Variants in GREB1L observed in about 807,000 individuals in gnomAD.
The protein encoded by GREB1L is GREB1-like protein.
GREB1L carries 17 observed loss-of-function variants against 200.8 expected under a neutral mutation model. The observed-to-expected ratio is 0.08, with a 90% CI of 0.06 to 0.13. The LOEUF (loss-of-function observed/expected upper bound fraction) is 0.13, where lower values mean the gene tolerates loss of function less well. Ranked by LOEUF, GREB1L falls within the 10% of genes least tolerant of loss-of-function variation. The pLI, the probability that GREB1L is intolerant of heterozygous loss-of-function variation, is 1.00. For synonymous variants in GREB1L, 789 were observed against 893.0 expected (o/e 0.88, Z 2.08); for missense variants, 1,657 against 2,367.7 (o/e 0.70, Z 6.23).
chr18:21,389,389 A>C (rs1325391089), intron 4 of GREB1L, among the ~76,000 whole-genome samples: 2 of 113,342 alleles, frequency 1.8e-5, no homozygotes, highest in Admixed American at 1.9e-4. Flanking sequence ...GGGCACAGGA[A>C]CCTCTTGACT....
At chr18:21,267,206 T>C (rs1205342671) in intron 1 of GREB1L, among the ~76,000 whole-genome samples, 1 of 147,166 alleles carries the variant, frequency 6.8e-6, no homozygotes, top group Non-Finnish European at 1.5e-5. Flanking sequence ...TTTTTTTTTT[T>C]TTTTGAGACG....
chr18:21,471,909 C>T (rs950775914), intron 15 of GREB1L, among the ~76,000 whole-genome samples: 6 of 152,308 alleles, frequency 3.9e-5, no homozygotes, highest in African/African-American at 1.4e-4. Flanking sequence ...GCATGAGCCA[C>T]CACACCCAGC....
chr18:21,513,565 A>C (rs148182147), intron 27 of GREB1L, among the ~76,000 whole-genome samples: 2 of 152,360 alleles, frequency 1.3e-5, no homozygotes, highest in African/African-American at 4.8e-5. Flanking sequence ...CCTCAAAGAT[A>C]TCTCTGGTTT....
At chr18:21,267,055 T>G (rs996810721) in intron 1 of GREB1L, among the ~76,000 whole-genome samples, 6 of 152,134 alleles carry the variant, frequency 3.9e-5, no homozygotes, top group Non-Finnish European at 5.9e-5. Flanking sequence ...TACCTCAGTC[T>G]GCTGACTAGC....
intron 16 of GREB1L, among the ~76,000 whole-genome samples, 161 bp from the exon 17 acceptor site, chr18:21,477,003 A>T (rs1384934583): frequency 1.3e-5 from 2 of 152,060 alleles, no homozygotes; most frequent in Non-Finnish European, 2.9e-5. Context: ...AGGAATGTAA[A>T]TTTTTTTTCC....
chr18:21,329,969 T>TGG (rs34186385), intron 1 of GREB1L, among the ~76,000 whole-genome samples: 83 of 129,368 alleles, frequency 6.4e-4, no homozygotes, highest in Non-Finnish European at 7.8e-4. Context: ...GTTTTTTTTT[T>TGG]GGGGGGGGGG....
chr18:21,505,986 AGTATGGATTTT>A, intron 25 of GREB1L, 37 bp downstream of exon 25: 1 of 1,531,688 alleles, frequency 6.5e-7, no homozygotes, highest in Non-Finnish European at 8.8e-7. Flanking sequence ...TCTGTCACCC[AGTATGGATTTT>A]GTATGTAAGG....
intron 21 of GREB1L, 135 bp from the exon 22 acceptor site, chr18:21,499,594 A>G (rs1261622268): frequency 9.3e-6 from 6 of 645,108 alleles, no homozygotes; most frequent in Admixed American, 8.6e-5. Flanking sequence ...AGCGGCAAAG[A>G]GAAGATTTCT....
At chr18:21,246,032 A>G (rs954909164) in intron 1 of GREB1L, among the ~76,000 whole-genome samples, 2 of 152,078 alleles carry the variant, frequency 1.3e-5, no homozygotes, top group African/African-American at 2.4e-5. Flanking sequence ...TATAATGCCT[A>G]TTCTTATACA....
chr18:21,281,185 C>T (rs894937221), intron 1 of GREB1L, among the ~76,000 whole-genome samples: 1 of 152,186 alleles, frequency 6.6e-6, no homozygotes, highest in African/African-American at 2.4e-5. Flanking sequence ...TGTTAATAAC[C>T]TCACCTTTGT....
Position 21,495,537 on chromosome 18 carries a change from C to G in GREB1L, c.3031-133C>G, listed in dbSNP as rs920256280. On this transcript the variant is annotated intron_variant, in intron 19 of 32. Coordinates refer to ENST00000424526, the MANE Select transcript of GREB1L (RefSeq NM_001142966.3). ...TGTAGTAGCAGTTAAAATATACATA[C>G]ATAAACATATGTAAACACTTAGTGG... 12 of 643,700 alleles carry G rather than the reference C, an allele frequency of 1.9e-5. No homozygotes were observed. The African/African-American group carries it at 2.0e-4, about 11-fold the overall frequency. The allele number at this position is 643,700 out of a possible 1,614,324, so 39.9% of individuals were successfully genotyped here.
chr18:21,273,595 G>A (rs2038113890), intron 1 of GREB1L, among the ~76,000 whole-genome samples: 1 of 152,270 alleles, frequency 6.6e-6, no homozygotes, highest in South Asian at 2.1e-4. Flanking sequence ...TATTCGTTGG[G>A]ATGAGGGCTA....
At chr18:21,318,773 T>G (rs780195739) in intron 1 of GREB1L, among the ~76,000 whole-genome samples, 2 of 152,174 alleles carry the variant, frequency 1.3e-5, no homozygotes, top group African/African-American at 2.4e-5. Context: ...AGGGCTCTCC[T>G]TCCCATATAT....
At chr18:21,468,804 C>T (rs890175887) in intron 15 of GREB1L, 1 of 456,402 alleles carries the variant, frequency 2.2e-6, no homozygotes, top group Admixed American at 2.4e-5. Flanking sequence ...TTCAGTCTTT[C>T]CTGGCTTTTC....
intron 1 of GREB1L, among the ~76,000 whole-genome samples, chr18:21,321,693 A>G (rs1259101034): frequency 6.6e-6 from 1 of 152,192 alleles, no homozygotes; most frequent in Non-Finnish European, 1.5e-5. Context: ...GTCTCAAAAA[A>G]AACAAAAACA....
At chr18:21,420,444 T>A (rs1462708995) in intron 7 of GREB1L, among the ~76,000 whole-genome samples, 1 of 151,348 alleles carries the variant, frequency 6.6e-6, no homozygotes, top group Non-Finnish European at 1.5e-5. Flanking sequence ...AAAGGGATTG[T>A]TTCTGAACTA....
intron 15 of GREB1L, among the ~76,000 whole-genome samples, chr18:21,471,620 CTTTT>C: frequency 1.4e-5 from 2 of 142,386 alleles, no homozygotes; most frequent in South Asian, 4.3e-4. Flanking sequence ...TCTTTTGTTT[CTTTT>C]TTTTTTTTTT....
chr18:21,469,952 C>G (rs1022377038), intron 15 of GREB1L, among the ~76,000 whole-genome samples: 1 of 151,994 alleles, frequency 6.6e-6, no homozygotes, highest in Non-Finnish European at 1.5e-5. Context: ...GTTCTTTGCT[C>G]GGCCATATAC....
intron 15 of GREB1L, among the ~76,000 whole-genome samples, chr18:21,464,597 A>G (rs2035195414): frequency 6.6e-6 from 1 of 151,768 alleles, no homozygotes; most frequent in South Asian, 2.1e-4. Context: ...GTCTCAAAGT[A>G]TCATCCCATG....
Sources: allele counts gnomAD v4.1 joint callset (sites outside exome capture counted in the v4.1 genomes callset), GRCh38; gene constraint gnomAD v4.1.1; transcripts MANE v1.5; gene names NCBI Gene and HGNC (gene_info 2026-07-23, HGNC 2026-07-21).